PLG: variants seen among roughly 807,000 people sequenced by gnomAD.
The protein encoded by PLG is plasminogen, also known as plasmin.
A neutral mutation model predicts 104.4 loss-of-function variants in PLG; 41 were observed. That is an observed-to-expected ratio of 0.39 (90% CI 0.31 to 0.51). The LOEUF (loss-of-function observed/expected upper bound fraction) is 0.51. PLG is among the 20% of genes least tolerant of loss of function. The pLI is 0.76. For synonymous variants in PLG, 337 were observed against 357.1 expected (o/e 0.94, Z 0.63); for missense variants, 891 against 1,003.6 (o/e 0.89, Z 1.52).
intron 3 of PLG, among the ~76,000 whole-genome samples, chr6:160,710,806 C>A (rs567593814): frequency 6.6e-6 from 1 of 152,180 alleles, no homozygotes; most frequent in African/African-American, 2.4e-5. Flanking sequence ...AGCTCCATGA[C>A]GGCCAAGCCT....
intron 5 of PLG, 54 bp from the exon 6 acceptor site, chr6:160,714,740 T>C: frequency 3.1e-6 from 5 of 1,595,036 alleles, no homozygotes; most frequent in Non-Finnish European, 4.3e-6. Flanking sequence ...CTATTTTGCT[T>C]CATCCATTTC....
rs549055863 is a variant in PLG at position 160,740,476 on chromosome 6, C to A, written c.2019-835C>A. Among the ~76,000 whole-genome samples the A allele has an allele frequency of 1.9e-3, 290 of 152,256 alleles. No individual in the cohort carries two copies. The highest frequency in any genetic ancestry group is 6.7e-3 in the African/African-American group (277 of 41,544). ...AGAGTTCCCACCCCACATCCCCACA[C>A]CCCGAGTCTAGGGCATTTAGTGCTC... On this transcript the variant is annotated intron_variant, in intron 16 of 18. Coordinates refer to ENST00000308192, the MANE Select transcript of PLG (RefSeq NM_000301.5). This position sits in a 1 kb window ranked among gnomAD's most constrained non-coding sequence, Gnocchi z 5.2.
Position 160,731,228 on chromosome 6 carries a change from A to C in PLG, c.1434A>C (p.Glu478Asp), listed in dbSNP as rs532399913. ...TTCCAGATGTAGAGACTCCTTCCGA[A>C]GAAGGTAAGAAATCTGTGGCTGGAC... ...VLLPDVETPS[E>D]EDCMFGNGKG... The change falls in exon 11 of 19, where the codon GAA becomes GAC. Residue 478 changes from glutamate (E) to aspartate (D), a missense_variant. By Grantham distance (45) the Glu-to-Asp change is conservative. Coordinates refer to ENST00000308192, the MANE Select transcript of PLG (RefSeq NM_000301.5). This position sits in a 1 kb window ranked among gnomAD's most constrained non-coding sequence, Gnocchi z 5.1. The C allele has an allele frequency of 3.7e-6, 6 of 1,612,240 alleles. No individual in the cohort carries two copies. The highest frequency in any genetic ancestry group is 1.6e-4 in the Middle Eastern group (1 of 6,062).
At position 160,711,830 on chromosome 6, in the gene PLG, T is replaced by A. The variant is rs1288464381; in HGVS notation, c.407+639T>A. 4 of 1,471,094 alleles carry A rather than the reference T, an allele frequency of 2.7e-6. No homozygotes were observed. In the Admixed American group the frequency reaches 1.1e-4, roughly 41 times the overall value. The allele number at this position is 1,471,094 out of a possible 1,614,324, so 91.1% of individuals were successfully genotyped here. ...ACTCTCATCACATGTTCGACTCAAA[T>A]TGTGGAGCAAAAGAGTAAATAAGAT... On this transcript the variant is annotated intron_variant, in intron 4 of 18. Coordinates refer to ENST00000308192, the MANE Select transcript of PLG (RefSeq NM_000301.5).
rs1778418035 is a variant in PLG, at chr6:160,752,349, C to T, written c.2271+89C>T. ...GACTTCATTCCCCAGGTGGCAAATT[C>T]AAGGATTTTCAACCGAAGACCCCAG... On this transcript the variant is annotated intron_variant, in intron 18 of 18. Transcript: ENST00000308192. This position sits in a 1 kb window ranked among gnomAD's most constrained non-coding sequence, Gnocchi z 4.7. The T allele has an allele frequency of 8.1e-7, 1 of 1,228,574 alleles. No homozygotes were observed. Among genetic ancestry groups the T allele is most frequent in the African/African-American group, 1.5e-5 (1 of 67,454 alleles). The allele number at this position is 1,228,574 out of a possible 1,614,324, so 76.1% of individuals were successfully genotyped here. A position where few individuals can be genotyped will look rare whatever the true frequency, so the allele number is the denominator to read the frequency against.
chr6:160,704,910 G>A (rs772424414), intron 1 of PLG, among the ~76,000 whole-genome samples: 27 of 152,272 alleles, frequency 1.8e-4, no homozygotes, highest in Middle Eastern at 6.8e-3. Flanking sequence ...TTTCCTACTG[G>A]ATACTTGTCA....
In PLG at chr6:160,735,397, G is replaced by A. The variant is rs1214047327; in HGVS notation, c.1681+1309G>A. Among the ~76,000 whole-genome samples the A allele has an allele frequency of 6.6e-6, 1 of 152,186 alleles. No homozygotes were observed. Among genetic ancestry groups the A allele is most frequent in the East Asian group, 1.9e-4 (1 of 5,190 alleles). On this transcript the variant is annotated intron_variant, in intron 13 of 18. Transcript: ENST00000308192. The surrounding 1 kb of genome is among the most constrained non-coding windows in gnomAD (Gnocchi z 5.4). The stretch of plus-strand genomic sequence containing the variant: ...AGGGAAGTGCAGTAGTTTCCCAGGT[G>A]CAATTCTGGTGTCCTCACCCACATT...
chr6:160,714,695 C>A, intron 5 of PLG, 99 bp from the exon 6 acceptor site: 2 of 1,151,762 alleles, frequency 1.7e-6, no homozygotes, highest in Non-Finnish European at 2.6e-6. Flanking sequence ...AGAGGCAAGT[C>A]GCACTTAAGT....
Position 160,707,736 on chromosome 6 carries a change from G to C in PLG, c.222G>C (p.Val74=). The change falls in exon 3 of 19, where the codon GTG becomes GTC. Residue 74 remains valine (V), a synonymous_variant. Transcript: ENST00000308192. ...FQYHSKEQQC[V]IMAENRKSSI... Reference sequence around the variant, plus strand: ...ATCACAGTAAAGAGCAACAATGTGTGATAATGGCTGAAAACAGGAAGTCCT... The same window carrying C: ...ATCACAGTAAAGAGCAACAATGTGTCATAATGGCTGAAAACAGGAAGTCCT... 6.2e-7 allele frequency: 1 copy of C among 1,611,516 alleles called. No individual in the cohort carries two copies.
In PLG at chr6:160,740,067, G is replaced by A. The variant is rs769144244; in HGVS notation, c.2018+859G>A. 3.3e-5 allele frequency among the ~76,000 whole-genome samples: 5 copies of A among 152,218 alleles called. No individual in the cohort carries two copies. Among genetic ancestry groups the A allele is most frequent in the African/African-American group, 1.2e-4 (5 of 41,460 alleles). On this transcript the variant is annotated intron_variant, in intron 16 of 18. Transcript: ENST00000308192. This position sits in a 1 kb window ranked among gnomAD's most constrained non-coding sequence, Gnocchi z 5.2. Reference sequence around the variant, plus strand: ...ACGCAGGGCGCTCGCTGTGCTGGTGGTTCTGGAAGACAGGGTGTCAGTGTG... The same window carrying A: ...ACGCAGGGCGCTCGCTGTGCTGGTGATTCTGGAAGACAGGGTGTCAGTGTG...
chr6:160,748,503 T>A (rs1409366907), intron 17 of PLG, among the ~76,000 whole-genome samples: 2 of 151,344 alleles, frequency 1.3e-5, no homozygotes, highest in Non-Finnish European at 2.9e-5. Context: ...TGAACTCTTG[T>A]TGATTGTTTC....
chr6:160,706,626 G>C, intron 2 of PLG, 84 bp downstream of exon 2: 1 of 1,372,166 alleles, frequency 7.3e-7, no homozygotes, highest in Non-Finnish European at 1.0e-6. Flanking sequence ...AATGATTTAA[G>C]AGGAAAGAGA....
chr6:160,738,734 G>A lies in PLG; in HGVS notation c.1877+122G>A. On this transcript the variant is annotated intron_variant, in intron 15 of 18. Coordinates refer to ENST00000308192, the MANE Select transcript of PLG (RefSeq NM_000301.5). The surrounding 1 kb of genome is among the most constrained non-coding windows in gnomAD (Gnocchi z 6.8). Reference sequence around the variant, plus strand: ...CTTCCTTCTCTGGCTGTGACACTAGGGACCAGGCCAGGGCAATTGGATAAG... The same window carrying A: ...CTTCCTTCTCTGGCTGTGACACTAGAGACCAGGCCAGGGCAATTGGATAAG... 10 of 790,690 alleles carry A rather than the reference G, an allele frequency of 1.3e-5. No individual in the cohort carries two copies. The highest frequency in any genetic ancestry group is 3.3e-4 in the Middle Eastern group (1 of 3,052). 49.0% of individuals were successfully genotyped at this position (790,690 alleles called of 1,614,324 possible).
chr6:160,718,034 G>C (rs993774189), intron 7 of PLG, among the ~76,000 whole-genome samples: 1 of 152,090 alleles, frequency 6.6e-6, no homozygotes, highest in Admixed American at 6.6e-5. Context: ...GGCGGATCAC[G>C]AGGTCAGGAG....
At chr6:160,743,759 C>T (rs905385138) in intron 17 of PLG, among the ~76,000 whole-genome samples, 1 of 152,130 alleles carries the variant, frequency 6.6e-6, no homozygotes, top group African/African-American at 2.4e-5. Flanking sequence ...GGAATGCTTC[C>T]AGCTTTTGCC....
At position 160,711,877 on chromosome 6, in the gene PLG, C is replaced by G. The variant is rs556541830; in HGVS notation, c.407+686C>G. The G allele has an allele frequency of 4.4e-6, 6 of 1,374,936 alleles. No individual in the cohort carries two copies. The African/African-American group carries it at 9.0e-5, about 21-fold the overall frequency. 85.2% of individuals were successfully genotyped at this position (1,374,936 alleles called of 1,614,324 possible). On this transcript the variant is annotated intron_variant, in intron 4 of 18. Transcript: ENST00000308192. Reference sequence around the variant, plus strand: ...AGATATAAAAATGAAAATGAAGATACGTGAAATTCAAATGTTGCAACTTGC... The same window carrying G: ...AGATATAAAAATGAAAATGAAGATAGGTGAAATTCAAATGTTGCAACTTGC...
intron 9 of PLG, 40 bp downstream of exon 9, chr6:160,718,878 T>C: frequency 6.3e-7 from 1 of 1,590,342 alleles, no homozygotes; most frequent in Non-Finnish European, 8.6e-7. Context: ...GCCCAAGTTT[T>C]CTCCTTATTT....
In PLG at chr6:160,734,496, G is replaced by T. The variant is rs528086219; in HGVS notation, c.1681+408G>T. Among the ~76,000 whole-genome samples, 1 of 152,046 alleles carries T rather than the reference G, an allele frequency of 6.6e-6. No homozygotes were observed. The highest frequency in any genetic ancestry group is 6.6e-5 in the Admixed American group (1 of 15,258). ...AGCAGGAAACAGGTAAGCATGTAACGCACATTGTAAACCTCAGATGGCCAT... is the reference window on the plus strand; with the variant it reads ...AGCAGGAAACAGGTAAGCATGTAACTCACATTGTAAACCTCAGATGGCCAT... On this transcript the variant is annotated intron_variant, in intron 13 of 18. Coordinates refer to ENST00000308192, the MANE Select transcript of PLG (RefSeq NM_000301.5). This position sits in a 1 kb window ranked among gnomAD's most constrained non-coding sequence, Gnocchi z 4.4.
chr6:160,719,550 A>G lies in PLG; in HGVS notation c.1096+712A>G, dbSNP rs1034325885. Among the ~76,000 whole-genome samples, 2 of 152,230 alleles carry G rather than the reference A, an allele frequency of 1.3e-5. No individual in the cohort carries two copies. The highest frequency in any genetic ancestry group is 6.5e-5 in the Admixed American group (1 of 15,282). On this transcript the variant is annotated intron_variant, in intron 9 of 18. Coordinates refer to ENST00000308192, the MANE Select transcript of PLG (RefSeq NM_000301.5). The surrounding 1 kb of genome is among the most constrained non-coding windows in gnomAD (Gnocchi z 4.1). The stretch of plus-strand genomic sequence containing the variant: ...TAATAGAGTTGAATTTACATCTACC[A>G]TCAAGTTAGTTATTTCTCTTTGTCC...
Sources: gnomAD v4.1 joint callset for allele counts (sites outside exome capture counted in the v4.1 genomes callset) on GRCh38, gnomAD v4.1.1 for gene constraint, Gnocchi (gnomAD v3.1) non-coding constraint, MANE v1.5 for transcripts, NCBI Gene and HGNC (gene_info 2026-07-23, HGNC 2026-07-21) for gene names.